ENAH: variants seen among roughly 807,000 people sequenced by gnomAD.
ENAH encodes ENAH actin regulator, also known as protein enabled homolog.
ENAH carries 23 observed loss-of-function variants against 78.7 expected under a neutral mutation model. The ratio of observed to expected loss-of-function variants is 0.29; its 90% CI spans 0.21 to 0.41. The LOEUF (loss-of-function observed/expected upper bound fraction) is 0.41. Ranked by LOEUF, ENAH falls within the 10% of genes least tolerant of loss-of-function variation. ENAH has a pLI of 1.00. For missense variants in ENAH, 544 were observed against 691.0 expected (o/e 0.79, Z 2.39); for synonymous variants, 226 against 241.0 (o/e 0.94, Z 0.58).
chr1:225,509,887 C>T (rs563190108), intron 10 of ENAH, among the ~76,000 whole-genome samples: 20 of 152,182 alleles, frequency 1.3e-4, no homozygotes, highest in Non-Finnish European at 2.8e-4. Flanking sequence ...TGAAATATCA[C>T]ACCTTCCCCT....
chr1:225,631,011 A>C (rs1446379099), intron 1 of ENAH, among the ~76,000 whole-genome samples: 2 of 152,222 alleles, frequency 1.3e-5, no homozygotes, highest in African/African-American at 4.8e-5. Context: ...CACCGACCTT[A>C]AATATAACCA....
chr1:225,567,202 T>C, intron 2 of ENAH, 47 bp downstream of exon 2: 1 of 1,589,240 alleles, frequency 6.3e-7, no homozygotes, highest in South Asian at 1.2e-5. Flanking sequence ...GCCAAGTCCT[T>C]TTGTAATACT....
At chr1:225,519,817 T>G (rs1198266465) in intron 4 of ENAH, among the ~76,000 whole-genome samples, 1 of 152,342 alleles carries the variant, frequency 6.6e-6, no homozygotes, top group East Asian at 1.9e-4. Context: ...TATTCTGTAC[T>G]TTTCATGAGT....
At chr1:225,554,440 C>T (rs372347686) in intron 3 of ENAH, among the ~76,000 whole-genome samples, 2 of 151,912 alleles carry the variant, frequency 1.3e-5, no homozygotes, top group Non-Finnish European at 2.9e-5. Flanking sequence ...TTAAAAAAAC[C>T]GAGAATCACA....
chr1:225,599,305 G>A (rs930415003), intron 1 of ENAH, among the ~76,000 whole-genome samples: 3 of 152,106 alleles, frequency 2.0e-5, no homozygotes, highest in African/African-American at 7.2e-5. Flanking sequence ...TGGAGAAAGA[G>A]GAAGGCTAAA....
chr1:225,566,394 C>T (rs1478442314), intron 2 of ENAH, among the ~76,000 whole-genome samples: 1 of 152,096 alleles, frequency 6.6e-6, no homozygotes, highest in Non-Finnish European at 1.5e-5. Context: ...AGGGCTAATG[C>T]AGCATCTGTT....
chr1:225,549,652 G>T (rs2096632254), intron 3 of ENAH, among the ~76,000 whole-genome samples: 2 of 151,532 alleles, frequency 1.3e-5, no homozygotes, highest in Admixed American at 1.3e-4. Context: ...AAAGATGATT[G>T]GTTATGTATA....
intron 1 of ENAH, among the ~76,000 whole-genome samples, chr1:225,576,903 G>A (rs1452354477): frequency 2.0e-5 from 3 of 152,150 alleles, no homozygotes; most frequent in Non-Finnish European, 4.4e-5. Context: ...GGGAGGCTGA[G>A]GCAGGTGGAT....
chr1:225,597,260 G>A (rs927841089), intron 1 of ENAH, among the ~76,000 whole-genome samples: 1 of 152,140 alleles, frequency 6.6e-6, no homozygotes, highest in African/African-American at 2.4e-5. Context: ...TTGGAACAAG[G>A]TCAATACTGA....
intron 6 of ENAH, chr1:225,515,232 G>GA (rs1399380489): frequency 3.7e-6 from 1 of 269,332 alleles, no homozygotes; most frequent in Non-Finnish European, 6.9e-6. Context: ...AAGCGTCCCT[G>GA]AAAAAACAAA....
chr1:225,526,177 T>C (rs564463285), intron 4 of ENAH, among the ~76,000 whole-genome samples: 1 of 152,146 alleles, frequency 6.6e-6, no homozygotes, highest in East Asian at 1.9e-4. Flanking sequence ...TCCTTCCCAC[T>C]CCCCCAGAAC....
intron 10 of ENAH, chr1:225,508,251 ATTG>A (rs1383453905): frequency 1.1e-5 from 3 of 277,894 alleles, no homozygotes; most frequent in Admixed American, 5.0e-5. Flanking sequence ...GAAAACTTAC[ATTG>A]TTAAGTCTAA....
intron 1 of ENAH, among the ~76,000 whole-genome samples, chr1:225,636,970 G>A (rs1660174096): frequency 1.3e-5 from 2 of 152,296 alleles, no homozygotes; most frequent in South Asian, 2.1e-4. Flanking sequence ...GGATTGAGGT[G>A]AGCACAGAGA....
chr1:225,525,239 C>T (rs1407352283), intron 4 of ENAH, among the ~76,000 whole-genome samples: 6 of 152,130 alleles, frequency 3.9e-5, no homozygotes, highest in Non-Finnish European at 7.3e-5. Flanking sequence ...TCTAGCTCCC[C>T]AAAACTTTTT....
chr1:225,634,243 A>G (rs73125705), intron 1 of ENAH, among the ~76,000 whole-genome samples: 11,856 of 152,266 alleles, frequency 0.078, 1,558 homozygotes, highest in African/African-American at 0.27. Context: ...AAAGTAGGAA[A>G]CGGCATGAAT....
intron 1 of ENAH, 131 bp from the exon 2 acceptor site, chr1:225,567,545 A>AAGAC (rs1160556609): frequency 2.4e-6 from 2 of 844,188 alleles, no homozygotes; most frequent in Admixed American, 3.2e-5. Context: ...AATAATGGAC[A>AAGAC]AGACAGAGGC....
chr1:225,610,482 C>CATTTGGTAA (rs779961118), intron 1 of ENAH, among the ~76,000 whole-genome samples: 20 of 151,992 alleles, frequency 1.3e-4, no homozygotes, highest in Non-Finnish European at 2.2e-4. Flanking sequence ...AAGAAAAGAA[C>CATTTGGTAA]GATAGGTCCC....
chr1:225,618,535 T>C (rs1258072044), intron 1 of ENAH, among the ~76,000 whole-genome samples: 1 of 152,168 alleles, frequency 6.6e-6, no homozygotes, highest in Non-Finnish European at 1.5e-5. Context: ...CAACTTCTGC[T>C]TCATATTCAC....
chr1:225,517,654 C>T, intron 5 of ENAH: 1 of 1,550,654 alleles, frequency 6.4e-7, no homozygotes, highest in Non-Finnish European at 8.7e-7. Context: ...AGACCAGGCA[C>T]AGGGCTTCGT....
Sources: allele counts gnomAD v4.1 joint callset (sites outside exome capture counted in the v4.1 genomes callset), GRCh38; gene constraint gnomAD v4.1.1; transcripts MANE v1.5; gene names NCBI Gene and HGNC (gene_info 2026-07-23, HGNC 2026-07-21).